Variants in B3GLCT observed in about 807,000 individuals in gnomAD.
B3GLCT encodes the protein beta 3-glucosyltransferase, also known as beta-1,3-glucosyltransferase.
In B3GLCT, 65 loss-of-function variants were observed where a neutral mutation model predicts 63.4. That is an observed-to-expected ratio of 1.03 (90% confidence interval 0.84 to 1.26). The LOEUF (loss-of-function observed/expected upper bound fraction) is 1.26, where lower values mean the gene tolerates loss of function less well. B3GLCT is among the 50% of genes most tolerant of loss of function. The pLI, the probability that B3GLCT is intolerant of heterozygous loss-of-function variation, is 0.00. For missense variants in B3GLCT, 577 were observed against 604.8 expected (o/e 0.95, Z 0.48); for synonymous variants, 233 against 219.2 (o/e 1.06, Z -0.55).
In B3GLCT at chr13:31,207,738, G is replaced by A. The variant is rs180918598; in HGVS notation, c.71-7313G>A. On this transcript the variant is annotated intron_variant, in intron 1 of 14. Transcript: ENST00000343307. ...GATGGAACTAGATCATATCTGAGTC[G>A]ATAGTAGGCTCAAAGCAGGAATATT... Among the ~76,000 whole-genome samples, 10 of 152,262 alleles carry A rather than the reference G, an allele frequency of 6.6e-5. No individual in the cohort carries two copies. In the East Asian group the frequency reaches 1.4e-3, roughly 21 times the overall value.
chr13:31,248,562 A>G (rs984175866), intron 6 of B3GLCT, among the ~76,000 whole-genome samples: 3 of 152,206 alleles, frequency 2.0e-5, no homozygotes, highest in Admixed American at 2.0e-4. Flanking sequence ...GTGACATTTA[A>G]TCTGAGTTCT....
intron 12 of B3GLCT, among the ~76,000 whole-genome samples, chr13:31,297,165 G>T (rs1873990484): frequency 6.6e-6 from 1 of 151,692 alleles, no homozygotes; most frequent in African/African-American, 2.4e-5. Context: ...ACCATATTTT[G>T]CTTATCCATT....
intron 7 of B3GLCT, among the ~76,000 whole-genome samples, chr13:31,263,707 G>C (rs547973887): frequency 2.8e-4 from 43 of 152,306 alleles, no homozygotes; most frequent in Non-Finnish European, 5.3e-4. Flanking sequence ...TAGTCCCACA[G>C]GAGACCACAG....
At chr13:31,325,188 C>T (rs573760854) in intron 14 of B3GLCT, among the ~76,000 whole-genome samples, 1 of 152,240 alleles carries the variant, frequency 6.6e-6, no homozygotes, top group Admixed American at 6.5e-5. Context: ...TAAAAAGAGA[C>T]CTTTAATATA....
intron 4 of B3GLCT, among the ~76,000 whole-genome samples, chr13:31,234,589 G>C (rs982046734): frequency 3.3e-5 from 5 of 152,140 alleles, no homozygotes; most frequent in African/African-American, 1.2e-4. Context: ...AGGTGTGTGG[G>C]CTGTGATGCT....
chr13:31,235,609 T>C (rs542213334), intron 4 of B3GLCT, among the ~76,000 whole-genome samples: 43 of 152,294 alleles, frequency 2.8e-4, no homozygotes, highest in Non-Finnish European at 6.0e-4. Flanking sequence ...GACTGTGGCC[T>C]GCGCACTGAC....
intron 3 of B3GLCT, among the ~76,000 whole-genome samples, chr13:31,227,104 C>T (rs547873975): frequency 6.6e-6 from 1 of 152,138 alleles, no homozygotes; most frequent in Non-Finnish European, 1.5e-5. Flanking sequence ...ATTTATCCAT[C>T]TGGATTGATA....
intron 4 of B3GLCT, among the ~76,000 whole-genome samples, chr13:31,234,476 C>T (rs890704444): frequency 3.3e-5 from 5 of 152,096 alleles, no homozygotes; most frequent in Non-Finnish European, 5.9e-5. Context: ...TGGAACTGAG[C>T]CTACCTATTA....
intron 11 of B3GLCT, among the ~76,000 whole-genome samples, chr13:31,285,616 A>G (rs1447337257): frequency 3.3e-5 from 5 of 150,988 alleles, no homozygotes; most frequent in Non-Finnish European, 7.4e-5. Flanking sequence ...AAAAAAAAAA[A>G]AAAAAAAAAA....
intron 4 of B3GLCT, among the ~76,000 whole-genome samples, chr13:31,246,225 G>A (rs1018558801): frequency 6.6e-6 from 1 of 152,080 alleles, no homozygotes; most frequent in Admixed American, 6.5e-5. Flanking sequence ...TGGGGGAGGA[G>A]GTTTAAGCAT....
At chr13:31,308,364 A>C (rs1259950270) in intron 12 of B3GLCT, among the ~76,000 whole-genome samples, 3 of 143,566 alleles carry the variant, frequency 2.1e-5, no homozygotes, top group African/African-American at 5.1e-5. Flanking sequence ...AAAAAAACAA[A>C]AAAAAAAGCT....
At chr13:31,253,454 G>T (rs530417984) in intron 6 of B3GLCT, among the ~76,000 whole-genome samples, 1 of 151,748 alleles carries the variant, frequency 6.6e-6, no homozygotes, top group East Asian at 1.9e-4. Context: ...TTAGCTGGGC[G>T]TGGTGGCGGG....
intron 7 of B3GLCT, among the ~76,000 whole-genome samples, chr13:31,263,283 C>T (rs572179608): frequency 6.2e-4 from 94 of 152,272 alleles, no homozygotes; most frequent in African/African-American, 2.1e-3. Flanking sequence ...AATTCAATTC[C>T]GTTTTTGTTG....
chr13:31,244,789 C>T (rs768265021), intron 4 of B3GLCT, among the ~76,000 whole-genome samples: 4 of 151,804 alleles, frequency 2.6e-5, no homozygotes, highest in Non-Finnish European at 4.4e-5. Flanking sequence ...AGAATAAAAG[C>T]TCTTGGGCAT....
chr13:31,296,463 A>G (rs1873948717), intron 12 of B3GLCT, among the ~76,000 whole-genome samples: 1 of 152,200 alleles, frequency 6.6e-6, no homozygotes, highest in East Asian at 1.9e-4. Context: ...TCAGAAGGGC[A>G]TGAATCCCAT....
At chr13:31,206,113 C>T (rs191473133) in intron 1 of B3GLCT, among the ~76,000 whole-genome samples, 32 of 152,234 alleles carry the variant, frequency 2.1e-4, no homozygotes, top group Non-Finnish European at 3.5e-4. Context: ...TTTTCGTTTA[C>T]GAGCTAAATG....
chr13:31,323,601 G>A lies in B3GLCT; in HGVS notation c.1185-150G>A, dbSNP rs1341525337. The A allele has an allele frequency of 4.7e-6, 4 of 843,264 alleles. No homozygotes were observed. The African/African-American group carries it at 6.7e-5, about 14-fold the overall frequency. 52.2% of individuals were successfully genotyped at this position (843,264 alleles called of 1,614,324 possible). ...GGGCCAGAAGACTAAAAGAGAACAG[G>A]TAGGGTTTTACCTAGAGCTCAGTAA... On this transcript the variant is annotated intron_variant, in intron 13 of 14. Transcript: ENST00000343307.
At chr13:31,229,491 A>G (rs1870266501) in intron 4 of B3GLCT, among the ~76,000 whole-genome samples, 197 bp downstream of exon 4, 2 of 152,188 alleles carry the variant, frequency 1.3e-5, no homozygotes, top group Admixed American at 1.3e-4. Flanking sequence ...CACGCCTGTA[A>G]TCCCAGCACT....
Position 31,276,692 on chromosome 13 carries a change from T to C in B3GLCT, c.781-10T>C, listed in dbSNP as rs770160902. ...ACATATGCATACATTTTTTCTTTTC[T>C]TTTTTTTAGAGAAAGCCAGTGAAGA... On this transcript the variant is annotated splice_polypyrimidine_tract_variant and intron_variant, in intron 9 of 14. Transcript: ENST00000343307. The C allele has an allele frequency of 3.2e-6, 5 of 1,586,616 alleles. No homozygotes were observed. Among genetic ancestry groups the C allele is most frequent in the South Asian group, 1.1e-5 (1 of 90,438 alleles).
Sources: allele counts gnomAD v4.1 joint callset (sites outside exome capture counted in the v4.1 genomes callset), GRCh38; gene constraint gnomAD v4.1.1; transcripts MANE v1.5; gene names NCBI Gene and HGNC (gene_info 2026-07-23, HGNC 2026-07-21).